Variants in NFIA observed in about 807,000 individuals in gnomAD.
The protein encoded by NFIA is nuclear factor 1 A-type.
A neutral mutation model predicts 62.8 loss-of-function variants in NFIA; 8 were observed. The observed-to-expected ratio is 0.13, with a 90% CI of 0.07 to 0.23. The LOEUF (loss-of-function observed/expected upper bound fraction) is 0.23, where lower values mean the gene tolerates loss of function less well. Ranked by LOEUF, NFIA falls within the 10% of genes least tolerant of loss-of-function variation. NFIA has a pLI of 1.00. For missense variants in NFIA, 410 were observed against 642.1 expected, an observed-to-expected ratio of 0.64 and a Z score of 3.91; for synonymous variants, 235 against 238.1, an observed-to-expected ratio of 0.99 and a Z score of 0.12.
At chr1:61,423,161 C>T (rs943282446) in intron 9 of NFIA, among the ~76,000 whole-genome samples, 6 of 151,838 alleles carry the variant, frequency 4.0e-5, no homozygotes, top group African/African-American at 1.4e-4. Context: ...TGAGATCTGG[C>T]CAGAAGCTTC....
At chr1:61,404,375 C>G in intron 8 of NFIA, 93 bp downstream of exon 8, 2 of 1,292,814 alleles carry the variant, frequency 1.5e-6, no homozygotes, top group East Asian at 2.5e-5. Flanking sequence ...ACGTTGTGCT[C>G]TAATGTTGTG....
intron 4 of NFIA, among the ~76,000 whole-genome samples, chr1:61,350,785 T>C (rs1407600988): frequency 6.6e-6 from 1 of 152,254 alleles, no homozygotes; most frequent in African/African-American, 2.4e-5. Flanking sequence ...TGCTGTTTCC[T>C]CTACCTAGAA....
intron 5 of NFIA, 136 bp downstream of exon 5, chr1:61,352,703 G>A (rs1335957960): frequency 1.3e-6 from 1 of 751,394 alleles, no homozygotes; most frequent in Non-Finnish European, 2.3e-6. Context: ...AGCCCCAAAA[G>A]ACTGTCGGTC....
chr1:61,249,139 T>G (rs1363788222), intron 2 of NFIA: 3 of 152,242 alleles, frequency 2.0e-5, no homozygotes, highest in Admixed American at 6.5e-5. Context: ...ACATTTTTAT[T>G]TTATAATTTC....
In NFIA at chr1:61,257,339, T is replaced by TG. The variant is rs1017987705; in HGVS notation, c.560-20181_560-20180insG. 1.6e-4 allele frequency among the ~76,000 whole-genome samples: 21 copies of TG among 132,956 alleles called. 1 individual carries two copies. The highest frequency in any genetic ancestry group is 5.6e-4 in the African/African-American group (20 of 35,448). 87.2% of individuals were successfully genotyped at this position (132,956 alleles called of 152,430 possible). ...ATTTTTTACTGCGTTGTTTTTTTTT[T>TG]TTTTTTTTTTTTTTTTGAGACAGAG... On this transcript the variant is annotated intron_variant, in intron 2 of 10. Coordinates refer to ENST00000403491, the MANE Select transcript of NFIA (RefSeq NM_001134673.4).
At position 61,382,157 on chromosome 1, in the gene NFIA, ATTTCT is replaced by A. The variant is rs951062964; in HGVS notation, c.947-1076_947-1072del. ...TCCCCTGATGCGGAGACTAGGAGTC[ATTTCT>A]TTTATTTTTATATCCAAATTTTCAT... On this transcript the variant is annotated intron_variant, in intron 6 of 10. Coordinates refer to ENST00000403491, the MANE Select transcript of NFIA (RefSeq NM_001134673.4). Among the ~76,000 whole-genome samples, 40 of 152,236 alleles carry A rather than the reference ATTTCT, an allele frequency of 2.6e-4. 1 individual carries two copies. The highest frequency in any genetic ancestry group is 8.9e-4 in the African/African-American group (37 of 41,564).
intron 2 of NFIA, among the ~76,000 whole-genome samples, chr1:61,231,873 A>AAC (rs1654694453): frequency 7.5e-6 from 1 of 133,302 alleles, no homozygotes; most frequent in African/African-American, 2.8e-5. Context: ...CAACAACAAC[A>AAC]AAAAAAAACA....
intron 2 of NFIA, among the ~76,000 whole-genome samples, chr1:61,173,020 C>G (rs1248804554): frequency 6.6e-6 from 1 of 152,174 alleles, no homozygotes; most frequent in Non-Finnish European, 1.5e-5. Flanking sequence ...ATTGTTACCT[C>G]CAAATTACAG....
chr1:61,122,495 T>G (rs919171147), intron 2 of NFIA, among the ~76,000 whole-genome samples: 2 of 152,204 alleles, frequency 1.3e-5, no homozygotes, highest in African/African-American at 4.8e-5. Flanking sequence ...AGGTGGTAAT[T>G]GAGCTGGCAT....
intron 7 of NFIA, among the ~76,000 whole-genome samples, chr1:61,401,705 T>C (rs1665564153): frequency 6.6e-6 from 1 of 152,228 alleles, no homozygotes; most frequent in Non-Finnish European, 1.5e-5. Context: ...CACCTTTGTG[T>C]TTGGCATTCT....
At chr1:61,115,719 G>A (rs1011229961) in intron 2 of NFIA, among the ~76,000 whole-genome samples, 2 of 152,182 alleles carry the variant, frequency 1.3e-5, no homozygotes, top group Non-Finnish European at 1.5e-5. Context: ...AAGGCTGCCC[G>A]TGAGAAACTT....
chr1:61,355,231 CT>C (rs1373896755), intron 5 of NFIA, among the ~76,000 whole-genome samples: 3 of 120,896 alleles, frequency 2.5e-5, no homozygotes, highest in Non-Finnish European at 5.6e-5. Flanking sequence ...CTTACAGATA[CT>C]TTCCTGCTTC....
chr1:61,449,555 C>T (rs1365994323), intron 10 of NFIA, among the ~76,000 whole-genome samples: 1 of 152,102 alleles, frequency 6.6e-6, no homozygotes, highest in Non-Finnish European at 1.5e-5. Context: ...TTAGCAAAGC[C>T]AAGGAGTGGG....
chr1:61,429,598 A>C (rs919562281), intron 10 of NFIA, among the ~76,000 whole-genome samples: 2 of 152,220 alleles, frequency 1.3e-5, no homozygotes, highest in African/African-American at 4.8e-5. Flanking sequence ...GCAAAGTTTC[A>C]AAGAGATATT....
rs770594849 is a variant in NFIA at position 61,235,503 on chromosome 1, T to TAAAA, written c.560-42015_560-42012dup. 3.3e-4 allele frequency among the ~76,000 whole-genome samples: 45 copies of TAAAA among 136,718 alleles called. No homozygotes were observed. The East Asian group carries it at 5.6e-3, about 17-fold the overall frequency. The allele number at this position is 136,718 out of a possible 152,430, so 89.7% of individuals were successfully genotyped here. A position where few individuals can be genotyped will look rare whatever the true frequency, so the allele number is the denominator to read the frequency against. Reference sequence around the variant, plus strand: ...ATAAATAAATAAATAAATAAATAAATAAAAATAAAAAATAAAAAAAAATGA... The same window carrying TAAAA: ...ATAAATAAATAAATAAATAAATAAATAAAAAAAAATAAAAAATAAAAAAAAATGA... On this transcript the variant is annotated intron_variant, in intron 2 of 10. Coordinates refer to ENST00000403491, the MANE Select transcript of NFIA (RefSeq NM_001134673.4).
chr1:61,244,964 A>AT (rs1250055560), intron 2 of NFIA, among the ~76,000 whole-genome samples: 1 of 152,112 alleles, frequency 6.6e-6, no homozygotes, highest in African/African-American at 2.4e-5. Context: ...AGATTTAAAC[A>AT]TTTTTTTCTT....
At chr1:61,401,352 G>A (rs1414157191) in intron 7 of NFIA, among the ~76,000 whole-genome samples, 1 of 152,132 alleles carries the variant, frequency 6.6e-6, no homozygotes, top group Non-Finnish European at 1.5e-5. Context: ...CAAGGAAATG[G>A]TGAATAAATT....
rs1646872761 is a variant in NFIA at position 61,120,634 on chromosome 1, G to T, written c.559+31954G>T. 3.9e-5 allele frequency among the ~76,000 whole-genome samples: 6 copies of T among 152,264 alleles called. No homozygotes were observed. In the South Asian group the frequency reaches 1.2e-3, roughly 32 times the overall value. The stretch of plus-strand genomic sequence containing the variant: ...TCATTTTTCTGGTCCCATCTCAAAA[G>T]ACATTATTGGAAATTTATTTAAAAG... On this transcript the variant is annotated intron_variant, in intron 2 of 10. Coordinates refer to ENST00000403491, the MANE Select transcript of NFIA (RefSeq NM_001134673.4).
At chr1:61,440,013 C>G (rs1159172464) in intron 10 of NFIA, among the ~76,000 whole-genome samples, 1 of 152,038 alleles carries the variant, frequency 6.6e-6, no homozygotes, top group Non-Finnish European at 1.5e-5. Context: ...TCATTTGTGA[C>G]CTGGAAATAA....
Sources: allele counts gnomAD v4.1 joint callset (sites outside exome capture counted in the v4.1 genomes callset), GRCh38; gene constraint gnomAD v4.1.1; transcripts MANE v1.5; gene names NCBI Gene and HGNC (gene_info 2026-07-23, HGNC 2026-07-21).